The following UBTD2 variants were observed in gnomAD, a reference collection of about 807,000 sequenced individuals.
UBTD2 encodes ubiquitin domain containing 2.
Under a neutral mutation model 19.8 loss-of-function variants are expected in UBTD2, and 9 were observed. The ratio of observed to expected loss-of-function variants is 0.46; its 90% CI spans 0.27 to 0.79. The LOEUF (loss-of-function observed/expected upper bound fraction) is 0.79. UBTD2 is among the 30% of genes least tolerant of loss of function. The probability of loss-of-function intolerance (pLI) is 0.14; values close to 1 mark genes in which losing one functional copy is unlikely to be tolerated. For missense variants in UBTD2, 250 were observed against 300.4 expected (o/e 0.83, Z 1.24); for synonymous variants, 98 against 103.9 (o/e 0.94, Z 0.35).
intron 1 of UBTD2, among the ~76,000 whole-genome samples, chr5:172,238,432 CA>C (rs971964038): frequency 7.9e-5 from 12 of 152,158 alleles, no homozygotes; most frequent in Non-Finnish European, 1.8e-4. Context: ...TAAAAAACCA[CA>C]CAATCTATTT....
intron 1 of UBTD2, among the ~76,000 whole-genome samples, chr5:172,237,749 GTTCATA>G (rs1772041080): frequency 6.6e-6 from 1 of 152,160 alleles, no homozygotes; most frequent in South Asian, 2.1e-4. Flanking sequence ...GAGGACTTAA[GTTCATA>G]TTCATAAACC....
intron 2 of UBTD2, among the ~76,000 whole-genome samples, chr5:172,228,947 T>C (rs1235520100): frequency 3.3e-5 from 5 of 152,132 alleles, no homozygotes; most frequent in Non-Finnish European, 7.3e-5. Flanking sequence ...GGGGAACTCC[T>C]TTCCCACCCA....
intron 1 of UBTD2, among the ~76,000 whole-genome samples, chr5:172,275,442 A>G (rs1400005830): frequency 2.0e-5 from 3 of 152,168 alleles, no homozygotes; most frequent in African/African-American, 7.2e-5. Context: ...TACAAGAATG[A>G]TCCGTTCTAA....
rs574170903 is a variant in UBTD2 at position 172,232,917 on chromosome 5, G to A, written c.307+1205C>T. On this transcript the variant is annotated intron_variant, in intron 2 of 2. Coordinates refer to ENST00000393792, the MANE Select transcript of UBTD2 (RefSeq NM_152277.3). ...GGGACTTTGGGAGGCTGAGGCGGGC[G>A]GATCACCTGAGGTCAGGAGCTGAGA... 8.6e-5 allele frequency among the ~76,000 whole-genome samples: 13 copies of A among 151,834 alleles called. No individual in the cohort carries two copies. In the East Asian group the frequency reaches 2.1e-3, roughly 25 times the overall value.
rs199521466 is a variant in UBTD2, at chr5:172,283,615, C to A, written c.51G>T (p.Glu17Asp). ...AQHDSSGSLNENSEGTGVALG... is the reference protein window; with the variant it reads ...AQHDSSGSLNDNSEGTGVALG... Reference sequence around the variant, plus strand: ...ACCTACCTCCGGTGCCCTCCGAGTTCTCGTTGAGGCTGCCCGAGGAGTCGT... The same window carrying A: ...ACCTACCTCCGGTGCCCTCCGAGTTATCGTTGAGGCTGCCCGAGGAGTCGT... Residue 17 changes from glutamate (E) to aspartate (D), a missense_variant, in exon 1 of 3, where the codon GAG (glutamate) becomes GAT (aspartate). By Grantham distance (45) the Glu-to-Asp change is conservative. Coordinates refer to ENST00000393792, the MANE Select transcript of UBTD2 (RefSeq NM_152277.3). The surrounding 1 kb of genome is among the most constrained non-coding windows in gnomAD (Gnocchi z 4.3). 3.8e-3 allele frequency: 5,007 copies of A among 1,302,510 alleles called. 12 individuals are homozygous for A. Among genetic ancestry groups the A allele is most frequent in the Non-Finnish European group, 4.7e-3 (4,737 of 1,017,062 alleles). The allele number at this position is 1,302,510 out of a possible 1,614,324, so 80.7% of individuals were successfully genotyped here.
At chr5:172,212,569 C>T (rs1219783975) in intron 2 of UBTD2, among the ~76,000 whole-genome samples, 3 of 152,202 alleles carry the variant, frequency 2.0e-5, no homozygotes, top group Admixed American at 6.5e-5. Context: ...ATATCTTTTA[C>T]AGAAATGAAT....
chr5:172,234,081 T>G, intron 2 of UBTD2, 41 bp downstream of exon 2: 1 of 1,597,028 alleles, frequency 6.3e-7, no homozygotes. Context: ...AGAAACAAAG[T>G]TGATTATGTT....
At position 172,210,170 on chromosome 5, in the gene UBTD2, T is replaced by C. The variant is rs1771410898; in HGVS notation, c.*1660A>G. The C allele has an allele frequency of 6.6e-6, 1 of 152,198 alleles. No individual in the cohort carries two copies. The highest frequency in any genetic ancestry group is 2.4e-5 in the African/African-American group (1 of 41,438). The allele number at this position is 152,198 out of a possible 1,614,324, so 9.4% of individuals were successfully genotyped here. A position where few individuals can be genotyped will look rare whatever the true frequency, so the allele number is the denominator to read the frequency against. On this transcript the variant is annotated 3_prime_UTR_variant, in exon 3 of 3. Coordinates refer to ENST00000393792, the MANE Select transcript of UBTD2 (RefSeq NM_152277.3). ...GATATAGCCACAATCTTTAAAATGATTGCATAAAAATAAGGAAGTAGTTAA... is the reference window on the plus strand; with the variant it reads ...GATATAGCCACAATCTTTAAAATGACTGCATAAAAATAAGGAAGTAGTTAA...
chr5:172,257,387 T>C (rs1156883594), intron 1 of UBTD2, among the ~76,000 whole-genome samples: 2 of 152,210 alleles, frequency 1.3e-5, no homozygotes, highest in East Asian at 1.9e-4. Context: ...AGTCCACTGA[T>C]GATGGACATC....
chr5:172,216,577 A>AC (rs1771545813), intron 2 of UBTD2, among the ~76,000 whole-genome samples: 3 of 123,126 alleles, frequency 2.4e-5, no homozygotes, highest in Admixed American at 2.0e-4. Context: ...ACATAGGGAA[A>AC]CCCCATCTCT....
intron 2 of UBTD2, among the ~76,000 whole-genome samples, chr5:172,214,400 G>A (rs902470225): frequency 5.9e-5 from 9 of 152,188 alleles, no homozygotes; most frequent in Non-Finnish European, 1.0e-4. Flanking sequence ...CAGAACACAC[G>A]TGAATCTTCC....
At chr5:172,215,980 A>G (rs1771533908) in intron 2 of UBTD2, among the ~76,000 whole-genome samples, 1 of 152,184 alleles carries the variant, frequency 6.6e-6, no homozygotes, top group African/African-American at 2.4e-5. Flanking sequence ...CCTGGCCAAC[A>G]TGGCGAAACC....
intron 1 of UBTD2, among the ~76,000 whole-genome samples, chr5:172,236,022 T>C (rs779217211): frequency 6.6e-6 from 1 of 152,206 alleles, no homozygotes; most frequent in Non-Finnish European, 1.5e-5. Context: ...TACTCCCTCA[T>C]TGGCCCAGGG....
chr5:172,234,150 A>C lies in UBTD2; in HGVS notation c.279T>G (p.Ile93Met). Residue 93 changes from isoleucine (I) to methionine (M), a missense_variant, in exon 2 of 3, where the codon ATT (isoleucine) becomes ATG (methionine). Transcript: ENST00000393792. ...GTGGTAATGTTATGTTTGCACCATC[A>C]ATGATTGCTTGTGCCAGTTCATGAT... ...SNDHELAQAI[I>M]DGANITLPHG... The C allele has an allele frequency of 6.2e-7, 1 of 1,614,164 alleles. No individual in the cohort carries two copies. Among genetic ancestry groups the C allele is most frequent in the Non-Finnish European group, 8.5e-7 (1 of 1,180,018 alleles).
At chr5:172,232,436 G>C (rs1290739709) in intron 2 of UBTD2, among the ~76,000 whole-genome samples, 1 of 151,784 alleles carries the variant, frequency 6.6e-6, no homozygotes, top group Non-Finnish European at 1.5e-5. Context: ...AATAACATTA[G>C]TAACAGAAGA....
intron 1 of UBTD2, among the ~76,000 whole-genome samples, chr5:172,269,113 C>A (rs1755432387): frequency 6.6e-6 from 1 of 152,034 alleles, no homozygotes; most frequent in Non-Finnish European, 1.5e-5. Context: ...GACAAAATAT[C>A]ATTTGTTTAA....
At chr5:172,218,775 C>CA (rs1196929218) in intron 2 of UBTD2, among the ~76,000 whole-genome samples, 181 of 50,370 alleles carry the variant, frequency 3.6e-3, no homozygotes, top group East Asian at 0.017. Context: ...ACCCTGTCAC[C>CA]AAAAAAAAAA....
intron 2 of UBTD2, among the ~76,000 whole-genome samples, chr5:172,230,788 T>A (rs7718296): frequency 0.3 from 44,588 of 150,132 alleles, 6,659 homozygotes; most frequent in South Asian, 0.42. Context: ...TTTCCTTATT[T>A]TTTTTTTTTT....
At chr5:172,262,555 T>C (rs1755292506) in intron 1 of UBTD2, among the ~76,000 whole-genome samples, 1 of 151,834 alleles carries the variant, frequency 6.6e-6, no homozygotes, top group African/African-American at 2.4e-5. Flanking sequence ...CTCACATCTG[T>C]AATCCCAGCA....
Sources: gnomAD v4.1 joint callset for allele counts (sites outside exome capture counted in the v4.1 genomes callset) on GRCh38, gnomAD v4.1.1 for gene constraint, Gnocchi (gnomAD v3.1) non-coding constraint, MANE v1.5 for transcripts, NCBI Gene and HGNC (gene_info 2026-07-23, HGNC 2026-07-21) for gene names.